Variants in PTPRN2 observed in about 807,000 individuals in gnomAD.
PTPRN2 encodes the protein receptor-type tyrosine-protein phosphatase N2.
Under a neutral mutation model 118.8 loss-of-function variants are expected in PTPRN2, and 74 were observed. The observed-to-expected ratio is 0.62, with a 90% CI of 0.52 to 0.76. The LOEUF (loss-of-function observed/expected upper bound fraction) is 0.76, where lower values mean the gene tolerates loss of function less well. PTPRN2 is among the 30% of genes least tolerant of loss of function. The probability of loss-of-function intolerance (pLI) is 0.00; values close to 1 mark genes in which losing one functional copy is unlikely to be tolerated. For synonymous variants in PTPRN2, 641 were observed against 608.0 expected (o/e 1.05, Z -0.80); for missense variants, 1,481 against 1,394.4 (o/e 1.06, Z -0.99).
chr7:158,539,847 G>C (rs2129449385), intron 1 of PTPRN2: 1 of 235,580 alleles, frequency 4.2e-6, no homozygotes, highest in Non-Finnish European at 8.4e-6. Context: ...CATACTGTGA[G>C]CCTGGAGCTG....
chr7:158,070,261 T>C (rs981624051), intron 11 of PTPRN2, among the ~76,000 whole-genome samples: 1 of 151,162 alleles, frequency 6.6e-6, no homozygotes, highest in African/African-American at 2.5e-5. Context: ...GTGCTCATGG[T>C]GATGGAGGTG....
intron 6 of PTPRN2, among the ~76,000 whole-genome samples, chr7:158,156,987 C>G (rs1383953739): frequency 2.0e-5 from 3 of 150,638 alleles, no homozygotes; most frequent in Admixed American, 1.3e-4. Context: ...CCCCATTGTG[C>G]TAACACAGTG....
chr7:158,584,224 GC>G (rs1828798219), intron 1 of PTPRN2, among the ~76,000 whole-genome samples: 1 of 152,154 alleles, frequency 6.6e-6, no homozygotes, highest in Admixed American at 6.5e-5. Flanking sequence ...GGAAGGGGGG[GC>G]CTTTATAAAA....
At chr7:158,005,184 C>T (rs1283050989) in intron 11 of PTPRN2, among the ~76,000 whole-genome samples, 1 of 151,882 alleles carries the variant, frequency 6.6e-6, no homozygotes, top group Non-Finnish European at 1.5e-5. Flanking sequence ...AAGCAATTCT[C>T]CTGCCTCAGT....
Position 157,874,627 on chromosome 7 carries a change from G to C in PTPRN2, c.1788+24046C>G, listed in dbSNP as rs1795602041. Among the ~76,000 whole-genome samples, 1 of 152,180 alleles carries C rather than the reference G, an allele frequency of 6.6e-6. No homozygotes were observed. Among genetic ancestry groups the C allele is most frequent in the African/African-American group, 2.4e-5 (1 of 41,444 alleles). On this transcript the variant is annotated intron_variant, in intron 12 of 22. Transcript: ENST00000389418. The surrounding 1 kb of genome is among the most constrained non-coding windows in gnomAD (Gnocchi z 5.8). ...CTCCCGGGGTCCGGGGAGAAGCGGA[G>C]GGGGGCAGAGAAGGCCGTGCCACCC...
chr7:158,100,244 GGTGTGTGTGTGTGT>G (rs3065708), intron 10 of PTPRN2, among the ~76,000 whole-genome samples: 21 of 147,420 alleles, frequency 1.4e-4, no homozygotes, highest in African/African-American at 3.8e-4. Context: ...TATTCCATGG[GGTGTGTGTGTGTGT>G]GTGTGTGTGT....
intron 1 of PTPRN2, among the ~76,000 whole-genome samples, chr7:158,522,838 A>G (rs922602961): frequency 6.6e-6 from 1 of 152,162 alleles, no homozygotes; most frequent in Non-Finnish European, 1.5e-5. Context: ...CAACAGCCCA[A>G]GTCTTCATTT....
chr7:157,594,263 G>C (rs1801157003), intron 17 of PTPRN2, among the ~76,000 whole-genome samples: 1 of 152,250 alleles, frequency 6.6e-6, no homozygotes, highest in Non-Finnish European at 1.5e-5. Context: ...AGCCAGGAAA[G>C]GGAAGTAAAG....
intron 19 of PTPRN2, among the ~76,000 whole-genome samples, chr7:157,575,952 C>T (rs184193973): frequency 2.0e-5 from 3 of 152,120 alleles, no homozygotes; most frequent in Non-Finnish European, 4.4e-5. Context: ...CAATGCGGAC[C>T]GACTGTTTAC....
At chr7:158,522,681 C>A (rs1284911226) in intron 1 of PTPRN2, among the ~76,000 whole-genome samples, 1 of 152,242 alleles carries the variant, frequency 6.6e-6, no homozygotes, top group African/African-American at 2.4e-5. Context: ...GTGAGGGCAT[C>A]AGCATGGTCT....
intron 14 of PTPRN2, among the ~76,000 whole-genome samples, chr7:157,633,999 G>A (rs1020162375): frequency 7.9e-5 from 12 of 152,166 alleles, no homozygotes; most frequent in Admixed American, 2.6e-4. Flanking sequence ...GCAGGCAGTG[G>A]CTGTGGCATG....
rs1356377060 is a variant in PTPRN2, at chr7:157,590,627, C to G, written c.2496+4611G>C. ...GCTCTGCTCAGGGACGCAGCACGGA[C>G]AGAGGTGCTGTGGGCCCTGCGGGAC... is the stretch of plus-strand genomic sequence containing the variant. On this transcript the variant is annotated intron_variant, in intron 17 of 22. Coordinates refer to ENST00000389418, the MANE Select transcript of PTPRN2 (RefSeq NM_002847.5). This position sits in a 1 kb window ranked among gnomAD's most constrained non-coding sequence, Gnocchi z 4.0. Among the ~76,000 whole-genome samples the G allele has an allele frequency of 6.6e-6, 1 of 152,190 alleles. No individual in the cohort carries two copies. The highest frequency in any genetic ancestry group is 1.5e-5 in the Non-Finnish European group (1 of 68,046).
At chr7:157,623,321 A>G (rs1381123042) in intron 14 of PTPRN2, among the ~76,000 whole-genome samples, 1 of 152,210 alleles carries the variant, frequency 6.6e-6, no homozygotes, top group Non-Finnish European at 1.5e-5. Context: ...TTCTGTGGCT[A>G]CTTTTCTCAA....
intron 3 of PTPRN2, among the ~76,000 whole-genome samples, chr7:158,242,201 C>T (rs115589414): frequency 1.0e-3 from 159 of 152,314 alleles, no homozygotes; most frequent in African/African-American, 3.7e-3. Flanking sequence ...CCTCCCCGCC[C>T]CGTCCTCTGC....
rs1331992152 is a variant in PTPRN2 at position 158,259,994 on chromosome 7, GTGTT to G, written c.278-54725_278-54722del. Among the ~76,000 whole-genome samples the G allele has an allele frequency of 4.6e-5, 7 of 151,516 alleles. No individual in the cohort carries two copies. The East Asian group carries it at 7.8e-4, about 17-fold the overall frequency. ...TCCCTTTGTGTACACATATGTGAAT[GTGTT>G]TGTGTGTCCATGTGTCCCTGGTGTA... is the stretch of plus-strand genomic sequence containing the variant. On this transcript the variant is annotated intron_variant, in intron 3 of 22. Coordinates refer to ENST00000389418, the MANE Select transcript of PTPRN2 (RefSeq NM_002847.5).
chr7:158,387,575 T>C, intron 2 of PTPRN2, among the ~76,000 whole-genome samples: 2 of 150,834 alleles, frequency 1.3e-5, no homozygotes, highest in African/African-American at 4.9e-5. Context: ...CCCTGTCAGC[T>C]CAGCTTGGCC....
chr7:158,530,545 G>A (rs573708234), intron 1 of PTPRN2, among the ~76,000 whole-genome samples: 1 of 152,218 alleles, frequency 6.6e-6, no homozygotes. Flanking sequence ...AGCAAGGCGG[G>A]GGGGGTTCCA....
At chr7:158,461,070 G>A (rs940195722) in intron 2 of PTPRN2, among the ~76,000 whole-genome samples, 1 of 152,214 alleles carries the variant, frequency 6.6e-6, no homozygotes, top group Non-Finnish European at 1.5e-5. Context: ...TTCTACTATG[G>A]AGGATTCTGC....
chr7:157,576,571 C>T, intron 19 of PTPRN2, 42 bp downstream of exon 19: 1 of 1,555,340 alleles, frequency 6.4e-7, no homozygotes, highest in Non-Finnish European at 8.7e-7. Flanking sequence ...CTGTGCCGCG[C>T]GCTCAGCGCG....
Sources: allele counts gnomAD v4.1 joint callset (sites outside exome capture counted in the v4.1 genomes callset), GRCh38; gene constraint gnomAD v4.1.1; non-coding constraint Gnocchi (gnomAD v3.1); transcripts MANE v1.5; gene names NCBI Gene and HGNC (gene_info 2026-07-23, HGNC 2026-07-21).